The following BCL2L11 variants were observed in gnomAD, a reference collection of about 807,000 sequenced individuals.
BCL2L11 encodes the protein BCL2 like 11.
BCL2L11 carries 15 observed loss-of-function variants against 20.6 expected under a neutral mutation model. The observed-to-expected ratio is 0.73, with a 90% confidence interval of 0.49 to 1.12. The LOEUF is 1.12. Among genes scored for constraint, BCL2L11 ranks in the 50% most tolerant of loss-of-function variants. The probability of loss-of-function intolerance (pLI) is 0.00; values close to 1 mark genes in which losing one functional copy is unlikely to be tolerated. For synonymous variants in BCL2L11, 108 were observed against 92.8 expected, an observed-to-expected ratio of 1.16 and a Z score of -0.94; for missense variants, 292 against 260.9, an observed-to-expected ratio of 1.12 and a Z score of -0.82.
chr2:111,144,591 T>C, intron 2 of BCL2L11: 1 of 1,457,682 alleles, frequency 6.9e-7, no homozygotes, highest in East Asian at 2.5e-5. Context: ...TGGATAACTC[T>C]GAATTTAGAA....
intron 2 of BCL2L11, among the ~76,000 whole-genome samples, chr2:111,145,058 C>T (rs557784672): frequency 6.6e-6 from 1 of 152,234 alleles, no homozygotes; most frequent in Non-Finnish European, 1.5e-5. Context: ...ACTTGAAAAT[C>T]TAATCTTGAT....
intron 2 of BCL2L11, chr2:111,128,886 G>GA: frequency 7.5e-7 from 1 of 1,332,468 alleles, no homozygotes; most frequent in Non-Finnish European, 9.9e-7. Context: ...ATGGCTACTA[G>GA]AAAAATGCAC....
intron 1 of BCL2L11, among the ~76,000 whole-genome samples, chr2:111,122,345 G>A (rs1422420372): frequency 1.3e-5 from 2 of 152,164 alleles, no homozygotes; most frequent in Non-Finnish European, 2.9e-5. Flanking sequence ...TAAGGCTTGT[G>A]TCCGGAAGGA....
At position 111,167,234 on chromosome 2, in the gene BCL2L11, C is replaced by T. The variant is rs1264790095; in HGVS notation, c.*3003C>T. 1 of 152,256 alleles carries T rather than the reference C, an allele frequency of 6.6e-6. No homozygotes were observed. The highest frequency in any genetic ancestry group is 1.5e-5 in the Non-Finnish European group (1 of 68,036). The allele number at this position is 152,256 out of a possible 1,614,324, so 9.4% of individuals were successfully genotyped here. ...AGAGCTCATTGCAGACCACGTGGTC[C>T]TCCAGGGTGGCTCTCCACCTTCGGG... On this transcript the variant is annotated 3_prime_UTR_variant, in exon 4 of 4. Coordinates refer to ENST00000393256, the MANE Select transcript of BCL2L11 (RefSeq NM_138621.5).
At position 111,168,377 on chromosome 2, in the gene BCL2L11, T is replaced by C. The variant is rs540185056; in HGVS notation, c.*4146T>C. On this transcript the variant is annotated 3_prime_UTR_variant, in exon 4 of 4. Transcript: ENST00000393256. ...TGCCACTTTACTTGTGCAATACTGC[T>C]GTAAATAACTGCAGATTTTTAAACA... 6.5e-6 allele frequency: 1 copy of C among 152,822 alleles called. No individual in the cohort carries two copies. The highest frequency in any genetic ancestry group is 2.1e-4 in the South Asian group (1 of 4,834). The allele number at this position is 152,822 out of a possible 1,614,324, so 9.5% of individuals were successfully genotyped here. A position where few individuals can be genotyped will look rare whatever the true frequency, so the allele number is the denominator to read the frequency against.
chr2:111,126,708 C>A (rs1185326008), intron 2 of BCL2L11, among the ~76,000 whole-genome samples: 1 of 152,146 alleles, frequency 6.6e-6, no homozygotes, highest in East Asian at 1.9e-4. Flanking sequence ...GTTTAGTATT[C>A]TTTACTCAAC....
At chr2:111,138,899 G>A (rs915702554) in intron 2 of BCL2L11, among the ~76,000 whole-genome samples, 15 of 152,054 alleles carry the variant, frequency 9.9e-5, no homozygotes, top group East Asian at 1.9e-4. Context: ...TAAGCAAATC[G>A]ACAGAAAGCC....
chr2:111,129,720 A>G (rs901063275), intron 2 of BCL2L11, among the ~76,000 whole-genome samples: 1 of 152,240 alleles, frequency 6.6e-6, no homozygotes, highest in African/African-American at 2.4e-5. Flanking sequence ...AAGATGCAGA[A>G]CAACTCCACC....
intron 2 of BCL2L11, among the ~76,000 whole-genome samples, chr2:111,147,496 G>C (rs1024896238): frequency 6.6e-6 from 1 of 152,090 alleles, no homozygotes; most frequent in Non-Finnish European, 1.5e-5. Context: ...CAAGAAACAG[G>C]CCATTCGTTT....
intron 3 of BCL2L11, among the ~76,000 whole-genome samples, chr2:111,157,713 G>A (rs538641057): frequency 6.6e-6 from 1 of 152,306 alleles, no homozygotes; most frequent in East Asian, 1.9e-4. Context: ...GAAGAGATTT[G>A]TGTCACAATA....
chr2:111,123,660 G>C, intron 1 of BCL2L11, 73 bp from the exon 2 acceptor site: 2 of 1,312,004 alleles, frequency 1.5e-6, no homozygotes, highest in Non-Finnish European at 2.0e-6. Flanking sequence ...TAATCGCTAG[G>C]TGAGAGCTAA....
At chr2:111,121,943 C>G (rs1266580560) in intron 1 of BCL2L11, among the ~76,000 whole-genome samples, 1 of 152,204 alleles carries the variant, frequency 6.6e-6, no homozygotes, top group East Asian at 1.9e-4. Context: ...CACGCATGCC[C>G]GAGCACACCC....
At chr2:111,130,002 A>G (rs554424038) in intron 2 of BCL2L11, 1 of 290,878 alleles carries the variant, frequency 3.4e-6, no homozygotes, top group South Asian at 2.5e-5. Context: ...CAGTTTGCTT[A>G]GCTATTCACC....
rs1198764069 is a variant in BCL2L11 at position 111,168,338 on chromosome 2, T to C, written c.*4107T>C. The C allele has an allele frequency of 6.5e-6, 1 of 152,674 alleles. No individual in the cohort carries two copies. The highest frequency in any genetic ancestry group is 1.5e-5 in the Non-Finnish European group (1 of 68,050). 9.5% of individuals were successfully genotyped at this position (152,674 alleles called of 1,614,324 possible). A position where few individuals can be genotyped will look rare whatever the true frequency, so the allele number is the denominator to read the frequency against. Reference sequence around the variant, plus strand: ...TTACTTGTGTTTTGCACTGATGAATTTTGACAGGGTAATTGCCACTTTACT... The same window carrying C: ...TTACTTGTGTTTTGCACTGATGAATCTTGACAGGGTAATTGCCACTTTACT... On this transcript the variant is annotated 3_prime_UTR_variant, in exon 4 of 4. Transcript: ENST00000393256.
intron 2 of BCL2L11, among the ~76,000 whole-genome samples, chr2:111,142,815 A>G (rs1209198385): frequency 1.3e-5 from 2 of 152,156 alleles, no homozygotes; most frequent in African/African-American, 4.8e-5. Context: ...TTTTTTGTTT[A>G]AATTCTCATC....
Position 111,124,149 on chromosome 2 carries a change from G to A in BCL2L11, c.394+10G>A, listed in dbSNP as rs1289631992. ...TATCTCAGTGCAATGGGTAAGCAAT[G>A]CCTGGGTAAGAGGCAGTTGACGTGT... On this transcript the variant is annotated intron_variant, in intron 2 of 3. Coordinates refer to ENST00000393256, the MANE Select transcript of BCL2L11 (RefSeq NM_138621.5). 3.1e-6 allele frequency: 5 copies of A among 1,594,794 alleles called. No homozygotes were observed. Among genetic ancestry groups the A allele is most frequent in the East Asian group, 2.2e-5 (1 of 44,680 alleles).
intron 2 of BCL2L11, among the ~76,000 whole-genome samples, chr2:111,139,783 T>G (rs78496878): frequency 0.01 from 1,530 of 152,334 alleles, 27 homozygotes; most frequent in African/African-American, 0.036. Context: ...CTCCCCAGTG[T>G]CCTCTGGGAA....
chr2:111,135,114 C>G (rs2074631248), intron 2 of BCL2L11, among the ~76,000 whole-genome samples: 1 of 152,142 alleles, frequency 6.6e-6, no homozygotes, highest in African/African-American at 2.4e-5. Flanking sequence ...TCTTTTGGAA[C>G]TCTGATGATA....
At position 111,122,580 on chromosome 2, in the gene BCL2L11, A is replaced by AGCGGCGCGGGGAGGTCG. The variant is rs2071319603; in HGVS notation, c.-13-1148_-13-1132dup. 7 of 980,842 alleles carry AGCGGCGCGGGGAGGTCG rather than the reference A, an allele frequency of 7.1e-6. No homozygotes were observed. The South Asian group carries it at 2.7e-4, about 39-fold the overall frequency. The allele number at this position is 980,842 out of a possible 1,614,324, so 60.8% of individuals were successfully genotyped here. The stretch of plus-strand genomic sequence containing the variant: ...ATTGGGAACGCGGGCACCCGGCGCC[A>AGCGGCGCGGGGAGGTCG]GCGGCGCGGGGAGGTCGGCGGTGCC... On this transcript the variant is annotated intron_variant, in intron 1 of 3. Coordinates refer to ENST00000393256, the MANE Select transcript of BCL2L11 (RefSeq NM_138621.5).
Sources: allele counts gnomAD v4.1 joint callset (sites outside exome capture counted in the v4.1 genomes callset), GRCh38; gene constraint gnomAD v4.1.1; transcripts MANE v1.5; gene names NCBI Gene and HGNC (gene_info 2026-07-23, HGNC 2026-07-21).